EPHA3: variants seen among roughly 807,000 people sequenced by gnomAD.
The protein encoded by EPHA3 is EPH receptor A3.
Under a neutral mutation model 107.1 loss-of-function variants are expected in EPHA3, and 42 were observed. The observed-to-expected ratio is 0.39, with a 90% confidence interval of 0.31 to 0.51. EPHA3 has a LOEUF of 0.51. Ranked by LOEUF, EPHA3 falls within the 20% of genes least tolerant of loss-of-function variation. The probability of loss-of-function intolerance (pLI) is 0.78; values close to 1 mark genes in which losing one functional copy is unlikely to be tolerated. For synonymous variants in EPHA3, 461 were observed against 424.8 expected (o/e 1.09, Z -1.05); for missense variants, 1,183 against 1,211.2 (o/e 0.98, Z 0.35).
At chr3:89,297,578 C>T (rs1262032969) in intron 3 of EPHA3, among the ~76,000 whole-genome samples, 1 of 152,054 alleles carries the variant, frequency 6.6e-6, no homozygotes, top group African/African-American at 2.4e-5. Context: ...GTAATGAAAT[C>T]ATTTATAATA....
chr3:89,293,728 C>A (rs1010309093), intron 3 of EPHA3, among the ~76,000 whole-genome samples: 4 of 152,126 alleles, frequency 2.6e-5, no homozygotes, highest in African/African-American at 2.4e-5. Flanking sequence ...GCTTTTCCTT[C>A]GTCTACTGCC....
At chr3:89,359,713 G>A (rs1422961658) in intron 5 of EPHA3, among the ~76,000 whole-genome samples, 4 of 136,644 alleles carry the variant, frequency 2.9e-5, no homozygotes, top group Non-Finnish European at 3.2e-5. Context: ...TTGTGTGTGT[G>A]TATATATATA....
chr3:89,129,555 A>AAT (rs1484479798), intron 2 of EPHA3, among the ~76,000 whole-genome samples: 1 of 151,878 alleles, frequency 6.6e-6, no homozygotes, highest in African/African-American at 2.4e-5. Flanking sequence ...AGTTAACCAT[A>AAT]ATATATATAA....
chr3:89,290,826 G>A lies in EPHA3; in HGVS notation c.815-50090G>A, dbSNP rs184393081. On this transcript the variant is annotated intron_variant, in intron 3 of 16. Transcript: ENST00000336596. The stretch of plus-strand genomic sequence containing the variant: ...GCACTCAACTCTTTTTTACAGTTGG[G>A]TGTCTTTTATAATTGAAATAAATTA... Among the ~76,000 whole-genome samples, 117 of 152,198 alleles carry A rather than the reference G, an allele frequency of 7.7e-4. 1 individual carries two copies. In the Middle Eastern group the frequency reaches 0.01, roughly 13 times the overall value.
intron 3 of EPHA3, among the ~76,000 whole-genome samples, chr3:89,239,269 C>A (rs1704839153): frequency 6.6e-6 from 1 of 152,228 alleles, no homozygotes; most frequent in South Asian, 2.1e-4. Context: ...TTGCTGAAAG[C>A]AATTCATGTA....
At chr3:89,436,881 C>A (rs1261679749) in intron 13 of EPHA3, among the ~76,000 whole-genome samples, 1 of 152,162 alleles carries the variant, frequency 6.6e-6, no homozygotes, top group South Asian at 2.1e-4. Context: ...TTCTCTTTTA[C>A]ATAAGGATAT....
chr3:89,287,184 G>T (rs1220601632), intron 3 of EPHA3, among the ~76,000 whole-genome samples: 1 of 152,068 alleles, frequency 6.6e-6, no homozygotes, highest in Non-Finnish European at 1.5e-5. Context: ...TGAACGTCAA[G>T]CACAGTTCTT....
chr3:89,342,935 T>A (rs1707564964), intron 5 of EPHA3, among the ~76,000 whole-genome samples: 1 of 151,286 alleles, frequency 6.6e-6, no homozygotes, highest in African/African-American at 2.4e-5. Flanking sequence ...AGAGACAAGA[T>A]GCCACTCTGA....
chr3:89,324,931 G>T (rs1371921539), intron 3 of EPHA3, among the ~76,000 whole-genome samples: 2 of 152,106 alleles, frequency 1.3e-5, no homozygotes, highest in African/African-American at 2.4e-5. Flanking sequence ...TTAGCTCTCA[G>T]TTATAAGTGA....
chr3:89,457,409 G>C (rs1393506669), intron 15 of EPHA3, among the ~76,000 whole-genome samples: 1 of 152,174 alleles, frequency 6.6e-6, no homozygotes, highest in African/African-American at 2.4e-5. Context: ...CTGCAGATCA[G>C]CAGGGGCATT....
At chr3:89,387,179 T>A (rs1311999070) in intron 5 of EPHA3, among the ~76,000 whole-genome samples, 1 of 152,188 alleles carries the variant, frequency 6.6e-6, no homozygotes, top group Admixed American at 6.5e-5. Flanking sequence ...AGGGGTGGAA[T>A]GACATGGTTT....
chr3:89,221,825 T>C (rs535473700), intron 3 of EPHA3, among the ~76,000 whole-genome samples: 1 of 152,290 alleles, frequency 6.6e-6, no homozygotes, highest in Non-Finnish European at 1.5e-5. Flanking sequence ...AATTTTCATC[T>C]GAAATGCTTC....
At chr3:89,343,741 T>C (rs989152792) in intron 5 of EPHA3, among the ~76,000 whole-genome samples, 9 of 152,360 alleles carry the variant, frequency 5.9e-5, no homozygotes, top group African/African-American at 2.2e-4. Context: ...ACTTAATTTG[T>C]GGAAAATACA....
chr3:89,377,600 C>T (rs1363825828), intron 5 of EPHA3, among the ~76,000 whole-genome samples: 2 of 152,124 alleles, frequency 1.3e-5, no homozygotes, highest in African/African-American at 2.4e-5. Context: ...AAATAGACTA[C>T]CAGACTTTGT....
chr3:89,290,438 A>C (rs940526036), intron 3 of EPHA3, among the ~76,000 whole-genome samples: 6 of 152,198 alleles, frequency 3.9e-5, no homozygotes, highest in Non-Finnish European at 7.3e-5. Flanking sequence ...AGCATACATC[A>C]TATGGAAAGA....
At chr3:89,193,305 G>C (rs1243967772) in intron 2 of EPHA3, among the ~76,000 whole-genome samples, 2 of 151,966 alleles carry the variant, frequency 1.3e-5, no homozygotes, top group African/African-American at 2.4e-5. Flanking sequence ...ATATTGCTCT[G>C]ATAAGCTACA....
chr3:89,206,441 A>G (rs1706106267), intron 2 of EPHA3, among the ~76,000 whole-genome samples: 1 of 152,196 alleles, frequency 6.6e-6, no homozygotes, highest in African/African-American at 2.4e-5. Context: ...ATCTTGACTT[A>G]AGAAATTTAA....
chr3:89,245,692 T>C (rs1705015835), intron 3 of EPHA3, among the ~76,000 whole-genome samples: 1 of 152,228 alleles, frequency 6.6e-6, no homozygotes, highest in African/African-American at 2.4e-5. Context: ...AAATCTGATG[T>C]TTCATGATGA....
intron 3 of EPHA3, among the ~76,000 whole-genome samples, chr3:89,312,934 C>T (rs553784143): frequency 1.3e-5 from 2 of 152,088 alleles, no homozygotes; most frequent in South Asian, 4.1e-4. Context: ...TTTATGGCTG[C>T]ATAATATTCC....
Sources: gnomAD v4.1 joint callset for allele counts (sites outside exome capture counted in the v4.1 genomes callset) on GRCh38, gnomAD v4.1.1 for gene constraint, MANE v1.5 for transcripts, NCBI Gene and HGNC (gene_info 2026-07-23, HGNC 2026-07-21) for gene names.